The following TNFAIP8L3 variants were observed in gnomAD, a reference collection of about 807,000 sequenced individuals.
TNFAIP8L3 encodes tumor necrosis factor alpha-induced protein 8-like protein 3.
In TNFAIP8L3, 7 loss-of-function variants were observed where a neutral mutation model predicts 11.8. The observed-to-expected ratio is 0.59, with a 90% CI of 0.34 to 1.11. The LOEUF (loss-of-function observed/expected upper bound fraction) is 1.11. Ranked by LOEUF, TNFAIP8L3 falls within the 50% of genes most tolerant of loss-of-function variation. TNFAIP8L3 has a pLI of 0.03. For missense variants in TNFAIP8L3, 219 were observed against 258.6 expected, an observed-to-expected ratio of 0.85 and a Z score of 1.05; for synonymous variants, 98 against 103.8, an observed-to-expected ratio of 0.94 and a Z score of 0.34.
At chr15:51,081,698 G>A (rs1420551292) in intron 1 of TNFAIP8L3, among the ~76,000 whole-genome samples, 3 of 152,160 alleles carry the variant, frequency 2.0e-5, no homozygotes, top group African/African-American at 4.8e-5. Flanking sequence ...ACTAAGAATG[G>A]GTGGAAACAG....
chr15:51,075,772 C>T (rs974280223), intron 1 of TNFAIP8L3, among the ~76,000 whole-genome samples: 12 of 152,200 alleles, frequency 7.9e-5, no homozygotes, highest in Non-Finnish European at 1.5e-4. Flanking sequence ...GGAACAAACT[C>T]GTCTATCTTG....
chr15:51,065,632 G>A (rs957018690), intron 1 of TNFAIP8L3, among the ~76,000 whole-genome samples: 4 of 152,210 alleles, frequency 2.6e-5, no homozygotes, highest in Non-Finnish European at 5.9e-5. Context: ...AAGGGCCTCT[G>A]AGCATCACTC....
chr15:51,067,573 G>C (rs1416517237), intron 1 of TNFAIP8L3, among the ~76,000 whole-genome samples: 1 of 152,254 alleles, frequency 6.6e-6, no homozygotes, highest in Non-Finnish European at 1.5e-5. Context: ...GGGCCCCACT[G>C]TTGTGTGGCA....
intron 1 of TNFAIP8L3, among the ~76,000 whole-genome samples, chr15:51,086,536 G>A (rs753307955): frequency 6.6e-6 from 1 of 152,234 alleles, no homozygotes; most frequent in Non-Finnish European, 1.5e-5. Context: ...GGTGGCATCC[G>A]TGAATCTAAT....
In TNFAIP8L3 at chr15:51,094,754, T is replaced by G; in HGVS notation, c.-159A>C. 1.1e-6 allele frequency: 1 copy of G among 921,592 alleles called. No individual in the cohort carries two copies. Among genetic ancestry groups the G allele is most frequent in the Non-Finnish European group, 1.3e-6 (1 of 795,460 alleles). 57.1% of individuals were successfully genotyped at this position (921,592 alleles called of 1,614,324 possible). ...GCGGCGGCAGCGGCCAGGGGGCGGC[T>G]CCGCAGAGGCGAGCGCCGCCGCGCC... On this transcript the variant is annotated 5_prime_UTR_variant, in exon 1 of 2. Coordinates refer to ENST00000637513, the MANE Select transcript of TNFAIP8L3 (RefSeq NM_001311175.2). The surrounding 1 kb of genome is among the most constrained non-coding windows in gnomAD (Gnocchi z 4.4).
chr15:51,060,645 A>G (rs1215969927), intron 1 of TNFAIP8L3, among the ~76,000 whole-genome samples: 1 of 152,208 alleles, frequency 6.6e-6, no homozygotes, highest in East Asian at 1.9e-4. Flanking sequence ...CACACACAGC[A>G]GGTGTCGGCT....
At chr15:51,087,951 G>A (rs2065442174) in intron 1 of TNFAIP8L3, among the ~76,000 whole-genome samples, 1 of 71,186 alleles carries the variant, frequency 1.4e-5, no homozygotes, top group Non-Finnish European at 3.3e-5. Context: ...ATGGGAAGGG[G>A]GAGGATATTT....
At chr15:51,095,114 G>T (rs2065503913), upstream of TNFAIP8L3, among the ~76,000 whole-genome samples, 1 of 152,006 alleles carries the variant, frequency 6.6e-6, no homozygotes, top group Admixed American at 6.6e-5. Flanking sequence ...GAGAGGTTCC[G>T]AGTGTTCCGA....
At chr15:51,079,382 C>G (rs2065376162) in intron 1 of TNFAIP8L3, among the ~76,000 whole-genome samples, 1 of 152,200 alleles carries the variant, frequency 6.6e-6, no homozygotes, top group East Asian at 1.9e-4. Flanking sequence ...ATTTTATCAC[C>G]CACTGGTCTG....
chr15:51,073,187 G>C (rs1476242990), intron 1 of TNFAIP8L3, among the ~76,000 whole-genome samples: 1 of 151,846 alleles, frequency 6.6e-6, no homozygotes, highest in Non-Finnish European at 1.5e-5. Flanking sequence ...GTAGAGATGG[G>C]GTTCCTCCAT....
chr15:51,096,471 T>C (rs376801601), upstream of TNFAIP8L3, among the ~76,000 whole-genome samples: 17 of 152,278 alleles, frequency 1.1e-4, no homozygotes, highest in East Asian at 3.9e-4. Context: ...ATAATGAGTA[T>C]GAAAGCTATT....
chr15:51,075,513 A>C (rs1298357018), intron 1 of TNFAIP8L3, among the ~76,000 whole-genome samples: 2 of 152,228 alleles, frequency 1.3e-5, no homozygotes, highest in South Asian at 2.1e-4. Flanking sequence ...TCTCTGGGCA[A>C]TCCTCTCTCT....
chr15:51,085,539 T>C (rs1309373511), intron 1 of TNFAIP8L3, among the ~76,000 whole-genome samples: 3 of 150,506 alleles, frequency 2.0e-5, no homozygotes, highest in Non-Finnish European at 2.9e-5. Context: ...TGGGAGGGAG[T>C]GGCAAGAACA....
chr15:51,094,559 G>A lies in TNFAIP8L3; in HGVS notation c.37C>T (p.Pro13Ser). The change falls in exon 1 of 2, where the codon CCC (proline) becomes TCC (serine). Residue 13 changes from proline (P) to serine (S), a missense_variant. Coordinates refer to ENST00000637513, the MANE Select transcript of TNFAIP8L3 (RefSeq NM_001311175.2). The surrounding 1 kb of genome is among the most constrained non-coding windows in gnomAD (Gnocchi z 4.4). ...SDSGEQSEGE[P>S]VTAAGPDVFS... is the part of the protein sequence containing the mutation. ...CCCTAGGTACCTGCGGCGGTCACGG[G>A]CTCGCCCTCGCTCTGCTCCCCGGAA... 6.7e-7 allele frequency: 1 copy of A among 1,501,904 alleles called. No individual in the cohort carries two copies. The highest frequency in any genetic ancestry group is 2.1e-5 in the Admixed American group (1 of 48,774). 93.0% of individuals were successfully genotyped at this position (1,501,904 alleles called of 1,614,324 possible).
At chr15:51,082,908 T>C (rs2065402669) in intron 1 of TNFAIP8L3, among the ~76,000 whole-genome samples, 1 of 152,238 alleles carries the variant, frequency 6.6e-6, no homozygotes. Flanking sequence ...AGCACCTGAC[T>C]GTATAATTTT....
intron 1 of TNFAIP8L3, among the ~76,000 whole-genome samples, chr15:51,088,917 T>A (rs1308136378): frequency 6.6e-6 from 1 of 152,132 alleles, no homozygotes; most frequent in African/African-American, 2.4e-5. Flanking sequence ...TTCCTTGAAA[T>A]GACTTGCCTT....
chr15:51,076,113 G>A (rs2065347728), intron 1 of TNFAIP8L3, among the ~76,000 whole-genome samples: 1 of 152,118 alleles, frequency 6.6e-6, no homozygotes, highest in Non-Finnish European at 1.5e-5. Context: ...GTAATATATT[G>A]CTTATAATCT....
chr15:51,072,959 A>G (rs1595610297), intron 1 of TNFAIP8L3, among the ~76,000 whole-genome samples: 1 of 145,822 alleles, frequency 6.9e-6, no homozygotes, highest in Non-Finnish European at 1.5e-5. Flanking sequence ...TGCCATGAGC[A>G]CTCTATGTTG....
intron 1 of TNFAIP8L3, among the ~76,000 whole-genome samples, chr15:51,075,395 C>T (rs1159045702): frequency 6.6e-6 from 1 of 152,164 alleles, no homozygotes; most frequent in Non-Finnish European, 1.5e-5. Context: ...AGCACCCCTC[C>T]TTCCTGCCAC....
Sources: gnomAD v4.1 joint callset for allele counts (sites outside exome capture counted in the v4.1 genomes callset) on GRCh38, gnomAD v4.1.1 for gene constraint, Gnocchi (gnomAD v3.1) non-coding constraint, MANE v1.5 for transcripts, NCBI Gene and HGNC (gene_info 2026-07-23, HGNC 2026-07-21) for gene names.